Variants in SORCS2 observed in about 807,000 individuals in gnomAD.
The protein encoded by SORCS2 is sortilin related VPS10 domain containing receptor 2, also known as VPS10 domain-containing receptor SorCS2.
A neutral mutation model predicts 141.6 loss-of-function variants in SORCS2; 100 were observed. The ratio of observed to expected loss-of-function variants is 0.71; its 90% CI spans 0.60 to 0.83. The LOEUF (loss-of-function observed/expected upper bound fraction) is 0.83, where lower values mean the gene tolerates loss of function less well. SORCS2 is among the 40% of genes least tolerant of loss of function. The probability of loss-of-function intolerance (pLI) is 0.00; values close to 1 mark genes in which losing one functional copy is unlikely to be tolerated. For synonymous variants in SORCS2, 789 were observed against 676.9 expected, an observed-to-expected ratio of 1.17 and a Z score of -2.57; for missense variants, 1,646 against 1,560.2, an observed-to-expected ratio of 1.05 and a Z score of -0.93.
At chr4:7,390,672 G>T (rs1289424390) in intron 1 of SORCS2, among the ~76,000 whole-genome samples, 1 of 152,208 alleles carries the variant, frequency 6.6e-6, no homozygotes, top group Non-Finnish European at 1.5e-5. Context: ...AGGAGGCACC[G>T]TGAACTTCCC....
At chr4:7,519,504 G>A (rs944483389) in intron 2 of SORCS2, among the ~76,000 whole-genome samples, 52 of 152,214 alleles carry the variant, frequency 3.4e-4, no homozygotes, top group African/African-American at 1.1e-3. Flanking sequence ...GCTGGAATGG[G>A]GATTAAAGAA....
chr4:7,529,790 A>G (rs963153610), intron 2 of SORCS2, among the ~76,000 whole-genome samples: 4 of 152,182 alleles, frequency 2.6e-5, no homozygotes, highest in African/African-American at 4.8e-5. Context: ...AAGAAAATCA[A>G]TTCTCTGAGA....
chr4:7,473,664 T>C (rs1730115313), intron 2 of SORCS2, among the ~76,000 whole-genome samples: 1 of 151,632 alleles, frequency 6.6e-6, no homozygotes, highest in Non-Finnish European at 1.5e-5. Flanking sequence ...CTGGAGGCAG[T>C]GATGATGGCT....
At chr4:7,397,134 A>G (rs569937514) in intron 2 of SORCS2, among the ~76,000 whole-genome samples, 13 of 152,210 alleles carry the variant, frequency 8.5e-5, no homozygotes, top group African/African-American at 2.6e-4. Context: ...CATTTTTTCT[A>G]TTTGAAATCC....
chr4:7,398,942 G>A (rs1358435617), intron 2 of SORCS2, among the ~76,000 whole-genome samples: 1 of 152,224 alleles, frequency 6.6e-6, no homozygotes, highest in East Asian at 1.9e-4. Context: ...TCCTCAAGAC[G>A]AATGTGCATT....
rs2108844384 is a variant in SORCS2 at position 7,193,686 on chromosome 4, G to A, written c.480+560G>A. On this transcript the variant is annotated intron_variant, in intron 1 of 26. Coordinates refer to ENST00000507866, the MANE Select transcript of SORCS2 (RefSeq NM_020777.3). The surrounding 1 kb of genome is among the most constrained non-coding windows in gnomAD (Gnocchi z 4.8). ...CCCGGGGTACTCTAGTGCGACCCGC[G>A]GCTGTCTTGAGCTCTTGCTGCCGGT... is the stretch of plus-strand genomic sequence containing the variant. Among the ~76,000 whole-genome samples the A allele has an allele frequency of 6.6e-6, 1 of 152,272 alleles. No homozygotes were observed. The highest frequency in any genetic ancestry group is 2.1e-4 in the South Asian group (1 of 4,828).
At chr4:7,505,012 G>A (rs1577669747) in intron 2 of SORCS2, among the ~76,000 whole-genome samples, 1 of 152,160 alleles carries the variant, frequency 6.6e-6, no homozygotes, top group East Asian at 1.9e-4. Context: ...CCTCCTCCTG[G>A]TAAACCAAAG....
chr4:7,250,088 A>G (rs1279505092), intron 1 of SORCS2, among the ~76,000 whole-genome samples: 1 of 152,162 alleles, frequency 6.6e-6, no homozygotes, highest in Non-Finnish European at 1.5e-5. Flanking sequence ...CTAAAAATAC[A>G]AAAATTAGCC....
intron 19 of SORCS2, among the ~76,000 whole-genome samples, chr4:7,724,867 GGTA>G (rs60676711): frequency 1.4e-4 from 8 of 58,624 alleles, no homozygotes; most frequent in Admixed American, 1.4e-4. Context: ...TGATGGTGGT[GGTA>G]GTGGTGATGG....
At chr4:7,557,001 A>G (rs1323668768) in intron 3 of SORCS2, among the ~76,000 whole-genome samples, 1 of 147,518 alleles carries the variant, frequency 6.8e-6, no homozygotes, top group African/African-American at 2.5e-5. Context: ...CCATCTATCC[A>G]TTTATCCATC....
rs145194863 is a variant in SORCS2, at chr4:7,343,591, C to T, written c.481-52697C>T. Among the ~76,000 whole-genome samples, 275 of 152,332 alleles carry T rather than the reference C, an allele frequency of 1.8e-3. 1 individual carries two copies. Among genetic ancestry groups the T allele is most frequent in the African/African-American group, 6.1e-3 (254 of 41,568 alleles). ...GCGGGAAGCTCAGCCACTGAGAGCT[C>T]AGGCTCTGGGGCAGATGCCTGGCTT... On this transcript the variant is annotated intron_variant, in intron 1 of 26. Transcript: ENST00000507866.
intron 3 of SORCS2, among the ~76,000 whole-genome samples, chr4:7,614,366 TCCATCCACCCATCCACCTTTCCA>T (rs1718617071): frequency 6.7e-6 from 1 of 150,108 alleles, no homozygotes. Context: ...CCACCATGAA[TCCATCCACCCATCCACCTTTCCA>T]CCATCCACCC....
At chr4:7,375,941 A>G (rs1722616847) in intron 1 of SORCS2, among the ~76,000 whole-genome samples, 1 of 152,232 alleles carries the variant, frequency 6.6e-6, no homozygotes, top group Non-Finnish European at 1.5e-5. Context: ...AAATGAGGAT[A>G]GTAATACCTA....
intron 25 of SORCS2, 120 bp from the exon 26 acceptor site, chr4:7,736,949 T>C (rs28744611): frequency 0.12 from 151,759 of 1,314,594 alleles, 9,206 homozygotes; most frequent in Middle Eastern, 0.16. Flanking sequence ...TAGGCACCTC[T>C]GGAGTGCTGT....
chr4:7,507,612 C>T (rs566572974), intron 2 of SORCS2, among the ~76,000 whole-genome samples: 8 of 152,286 alleles, frequency 5.3e-5, no homozygotes, highest in African/African-American at 1.7e-4. Context: ...CGAAAGTAGA[C>T]GGTGAATCAG....
intron 4 of SORCS2, among the ~76,000 whole-genome samples, chr4:7,643,675 A>T (rs1720877506): frequency 6.6e-6 from 1 of 152,230 alleles, no homozygotes; most frequent in South Asian, 2.1e-4. Context: ...GACAAGAAAA[A>T]GAAAAACCCT....
At chr4:7,277,851 T>C (rs1715607463) in intron 1 of SORCS2, among the ~76,000 whole-genome samples, 1 of 152,148 alleles carries the variant, frequency 6.6e-6, no homozygotes, top group East Asian at 1.9e-4. Flanking sequence ...TTGGACCTGA[T>C]GGTGGCTAGG....
chr4:7,466,049 T>C (rs1411025086), intron 2 of SORCS2, among the ~76,000 whole-genome samples: 4 of 152,202 alleles, frequency 2.6e-5, no homozygotes, highest in African/African-American at 7.2e-5. Context: ...TCGAAGACTA[T>C]TGCTATCCAC....
At chr4:7,396,246 C>T (rs1409049470) in intron 1 of SORCS2, 42 bp from the exon 2 acceptor site, 3 of 1,595,926 alleles carry the variant, frequency 1.9e-6, no homozygotes, top group Non-Finnish European at 2.6e-6. Context: ...AGAACCTTGG[C>T]ACCCACTGAT....
Sources: allele counts gnomAD v4.1 joint callset (sites outside exome capture counted in the v4.1 genomes callset), GRCh38; gene constraint gnomAD v4.1.1; non-coding constraint Gnocchi (gnomAD v3.1); transcripts MANE v1.5; gene names NCBI Gene and HGNC (gene_info 2026-07-23, HGNC 2026-07-21).